The following CWC27 variants were observed in gnomAD, a reference collection of about 807,000 sequenced individuals.
The protein encoded by CWC27 is CWC27 spliceosome associated cyclophilin, also known as spliceosome-associated protein CWC27 homolog.
CWC27 carries 47 observed loss-of-function variants against 63.6 expected under a neutral mutation model. That is an observed-to-expected ratio of 0.74 (90% CI 0.58 to 0.94). The LOEUF is 0.94. Ranked by LOEUF, CWC27 falls within the 40% of genes least tolerant of loss-of-function variation. The pLI, the probability that CWC27 is intolerant of heterozygous loss-of-function variation, is 0.00. For missense variants in CWC27, 495 were observed against 554.3 expected (o/e 0.89, Z 1.07); for synonymous variants, 175 against 179.8 (o/e 0.97, Z 0.22).
In CWC27 at chr5:64,769,053, C is replaced by A; in HGVS notation, c.-94C>A. 1 of 1,033,566 alleles carries A rather than the reference C, an allele frequency of 9.7e-7. No homozygotes were observed. The highest frequency in any genetic ancestry group is 1.5e-6 in the Non-Finnish European group (1 of 658,322). 64.0% of individuals were successfully genotyped at this position (1,033,566 alleles called of 1,614,324 possible). ...ACTGAAGCTTTCCTGCACCACTGGA[C>A]TTAAGGAAGAGTGTACTCGTAGGCG... On this transcript the variant is annotated 5_prime_UTR_variant, in exon 1 of 14. Transcript: ENST00000381070.
chr5:65,005,654 C>T (rs1352208286), intron 13 of CWC27, among the ~76,000 whole-genome samples: 1 of 152,186 alleles, frequency 6.6e-6, no homozygotes, highest in Non-Finnish European at 1.5e-5. Flanking sequence ...CCCTGGACAA[C>T]ACACACTAGC....
chr5:64,850,094 C>T (rs981380164), intron 10 of CWC27, among the ~76,000 whole-genome samples: 1 of 151,868 alleles, frequency 6.6e-6, no homozygotes, highest in African/African-American at 2.4e-5. Context: ...CAAACACACA[C>T]ACAAAAATCC....
At position 64,800,338 on chromosome 5, in the gene CWC27, T is replaced by C. The variant is rs754180319; in HGVS notation, c.749+11T>C. On this transcript the variant is annotated intron_variant, in intron 8 of 13. Transcript: ENST00000381070. ...TCCAGTTGTAGAAAGGTTAGTCCAT[T>C]GTTGGTATGATCCTAAGTTCTTAAT... 4 of 1,582,334 alleles carry C rather than the reference T, an allele frequency of 2.5e-6. No individual in the cohort carries two copies. The South Asian group carries it at 4.5e-5, about 18-fold the overall frequency.
rs114230846 is a variant in CWC27, at chr5:64,941,712, C to T, written c.1043-29991C>T. Among the ~76,000 whole-genome samples, 344 of 151,984 alleles carry T rather than the reference C, an allele frequency of 2.3e-3. 1 individual carries two copies. The highest frequency in any genetic ancestry group is 7.9e-3 in the African/African-American group (327 of 41,450). ...CTTTCATTTTTTAAATGAGATTGGACGTTAAATTGCTAAATGTAAAATCTT... is the reference window on the plus strand; with the variant it reads ...CTTTCATTTTTTAAATGAGATTGGATGTTAAATTGCTAAATGTAAAATCTT... On this transcript the variant is annotated intron_variant, in intron 11 of 13. Coordinates refer to ENST00000381070, the MANE Select transcript of CWC27 (RefSeq NM_005869.4).
chr5:64,985,138 CTT>C (rs977737527), intron 13 of CWC27, among the ~76,000 whole-genome samples: 8 of 152,242 alleles, frequency 5.3e-5, no homozygotes, highest in South Asian at 2.1e-4. Context: ...CAATCTGTGT[CTT>C]TATCCTTTCA....
intron 12 of CWC27, among the ~76,000 whole-genome samples, chr5:64,972,907 G>A (rs1749152454): frequency 6.6e-6 from 1 of 152,204 alleles, no homozygotes; most frequent in Non-Finnish European, 1.5e-5. Flanking sequence ...GTGAAAGGGG[G>A]TGAGCATTAT....
chr5:64,840,618 G>A (rs961409129), intron 10 of CWC27, among the ~76,000 whole-genome samples: 2 of 151,604 alleles, frequency 1.3e-5, no homozygotes, highest in Non-Finnish European at 2.9e-5. Context: ...GCTATTGTTT[G>A]TTACTGTTAG....
chr5:64,836,239 G>A (rs1053306535), intron 10 of CWC27, among the ~76,000 whole-genome samples: 1 of 151,772 alleles, frequency 6.6e-6, no homozygotes, highest in Non-Finnish European at 1.5e-5. Flanking sequence ...TCCTCAAAGT[G>A]CTTAGAAATG....
At chr5:65,017,675 T>C (rs994766127) in intron 13 of CWC27, among the ~76,000 whole-genome samples, 4 of 152,228 alleles carry the variant, frequency 2.6e-5, no homozygotes, top group Admixed American at 6.5e-5. Flanking sequence ...ATAACACCAT[T>C]TGAACATCAT....
At chr5:65,017,339 T>G (rs1750067137) in intron 13 of CWC27, among the ~76,000 whole-genome samples, 1 of 152,146 alleles carries the variant, frequency 6.6e-6, no homozygotes, top group Admixed American at 6.5e-5. Context: ...AAATTGAACT[T>G]TTCTCTTTCT....
At chr5:64,937,555 A>G (rs575891749) in intron 11 of CWC27, among the ~76,000 whole-genome samples, 19 of 152,318 alleles carry the variant, frequency 1.2e-4, no homozygotes, top group African/African-American at 4.6e-4. Context: ...GGTGCTGAGA[A>G]GAATGTATAT....
At chr5:64,970,536 A>T (rs1352693319) in intron 11 of CWC27, among the ~76,000 whole-genome samples, 1 of 152,148 alleles carries the variant, frequency 6.6e-6, no homozygotes, top group Non-Finnish European at 1.5e-5. Context: ...AACCTACTAT[A>T]AGAATCACTT....
chr5:64,904,221 C>G (rs1214704210), intron 11 of CWC27, among the ~76,000 whole-genome samples: 1 of 152,148 alleles, frequency 6.6e-6, no homozygotes, highest in African/African-American at 2.4e-5. Flanking sequence ...AGGTCAGCAC[C>G]CCACACCTGG....
At chr5:64,983,266 A>T (rs143390355) in intron 13 of CWC27, among the ~76,000 whole-genome samples, 191 of 152,310 alleles carry the variant, frequency 1.3e-3, no homozygotes, top group African/African-American at 4.4e-3. Flanking sequence ...TAGTGATATG[A>T]GTGGCATTGT....
rs150891725 is a variant in CWC27, at chr5:64,931,286, T to C, written c.1043-40417T>C. ...CAAATGATTGAGAAAAAAATTAATA[T>C]ATATTTATGCACTGGGAGAGAGAAT... On this transcript the variant is annotated intron_variant, in intron 11 of 13. Coordinates refer to ENST00000381070, the MANE Select transcript of CWC27 (RefSeq NM_005869.4). 3.8e-3 allele frequency among the ~76,000 whole-genome samples: 581 copies of C among 152,018 alleles called. 2 individuals are homozygous for C. The highest frequency in any genetic ancestry group is 0.012 in the African/African-American group (501 of 41,460).
At chr5:64,962,286 C>T (rs765658910) in intron 11 of CWC27, among the ~76,000 whole-genome samples, 2 of 152,128 alleles carry the variant, frequency 1.3e-5, no homozygotes, top group Admixed American at 6.5e-5. Context: ...AAATACTTAG[C>T]TAGGCTTGAG....
chr5:64,818,316 A>G (rs554714843), intron 10 of CWC27, among the ~76,000 whole-genome samples: 5 of 152,272 alleles, frequency 3.3e-5, no homozygotes, highest in East Asian at 3.9e-4. Flanking sequence ...TCTTGATTCT[A>G]TTGAAAAAAG....
chr5:64,803,348 A>G (rs62369294), intron 9 of CWC27, among the ~76,000 whole-genome samples: 4,361 of 152,216 alleles, frequency 0.029, 95 homozygotes, highest in East Asian at 0.043. Flanking sequence ...GCTGGGCACT[A>G]TTCTAGGAGT....
chr5:64,989,849 T>C (rs1451091960), intron 13 of CWC27, among the ~76,000 whole-genome samples: 1 of 152,120 alleles, frequency 6.6e-6, no homozygotes, highest in East Asian at 1.9e-4. Flanking sequence ...TGGAGAGATT[T>C]AGATTTCTGT....
Sources: gnomAD v4.1 joint callset for allele counts (sites outside exome capture counted in the v4.1 genomes callset) on GRCh38, gnomAD v4.1.1 for gene constraint, MANE v1.5 for transcripts, NCBI Gene and HGNC (gene_info 2026-07-23, HGNC 2026-07-21) for gene names.